CD47: variants seen among roughly 807,000 people sequenced by gnomAD.
The protein encoded by CD47 is CD47 molecule, also known as leukocyte surface antigen CD47.
A neutral mutation model predicts 44.6 loss-of-function variants in CD47; 11 were observed. The observed-to-expected ratio is 0.25, with a 90% CI of 0.16 to 0.41. The LOEUF (loss-of-function observed/expected upper bound fraction) is 0.41. Among genes scored for constraint, CD47 ranks in the 10% least tolerant of loss-of-function variants. CD47 has a pLI of 1.00. For synonymous variants in CD47, 140 were observed against 136.3 expected (o/e 1.03, Z -0.19); for missense variants, 306 against 386.7 (o/e 0.79, Z 1.75).
chr3:108,057,106 A>C (rs1248815761), intron 7 of CD47, among the ~76,000 whole-genome samples: 1 of 152,192 alleles, frequency 6.6e-6, no homozygotes, highest in East Asian at 1.9e-4. Context: ...TAAAAATCCT[A>C]TTCTATTACT....
At chr3:108,078,716 C>G (rs1378257094) in intron 2 of CD47, among the ~76,000 whole-genome samples, 1 of 151,506 alleles carries the variant, frequency 6.6e-6, no homozygotes, top group Non-Finnish European at 1.5e-5. Context: ...ATTCTCCTTG[C>G]CTACTCGGAG....
At chr3:108,049,510 T>C in intron 10 of CD47, 109 bp downstream of exon 10, 1 of 735,244 alleles carries the variant, frequency 1.4e-6, no homozygotes. Flanking sequence ...CTTTATCATC[T>C]GACAGTGTCC....
chr3:108,069,759 G>A (rs61053975), intron 3 of CD47, among the ~76,000 whole-genome samples: 80,296 of 151,838 alleles, frequency 0.53, 21,538 homozygotes, highest in East Asian at 0.7. Flanking sequence ...CATGATCTTT[G>A]AAAAAGGCTG....
rs151067446 is a variant in CD47 at position 108,082,606 on chromosome 3, A to C, written c.47-2262T>G. The stretch of plus-strand genomic sequence containing the variant: ...ATCATGGTTTGACTTTCAAGAGATT[A>C]TTCTTAAAAAAAAGAGGTACGAATG... On this transcript the variant is annotated intron_variant, in intron 1 of 10. Transcript: ENST00000361309. 3.4e-3 allele frequency among the ~76,000 whole-genome samples: 512 copies of C among 152,032 alleles called. 5 individuals carry two copies. Among genetic ancestry groups the C allele is most frequent in the African/African-American group, 0.012 (488 of 41,482 alleles).
intron 3 of CD47, among the ~76,000 whole-genome samples, chr3:108,063,334 T>C (rs2079052201): frequency 6.6e-6 from 1 of 152,220 alleles, no homozygotes; most frequent in Non-Finnish European, 1.5e-5. Context: ...ACTCCACCTG[T>C]CTCTGTGGGG....
chr3:108,062,819 CTTT>C (rs534047169), intron 3 of CD47, among the ~76,000 whole-genome samples: 6 of 131,792 alleles, frequency 4.6e-5, no homozygotes, highest in Admixed American at 2.3e-4. Flanking sequence ...TTTTTGAATT[CTTT>C]TTTTTTTTTT....
At chr3:108,075,544 AT>A (rs1157730661) in intron 2 of CD47, among the ~76,000 whole-genome samples, 1 of 152,084 alleles carries the variant, frequency 6.6e-6, no homozygotes, top group Non-Finnish European at 1.5e-5. Flanking sequence ...GGCTTTTCTG[AT>A]GTGTCGACTT....
chr3:108,088,958 C>T (rs2079576010), intron 1 of CD47, among the ~76,000 whole-genome samples: 1 of 152,258 alleles, frequency 6.6e-6, no homozygotes, highest in East Asian at 1.9e-4. Context: ...GCTTAATTAA[C>T]GAAACTGAAA....
At position 108,051,933 on chromosome 3, in the gene CD47, A is replaced by G. The variant is rs1397631154; in HGVS notation, c.909+6T>C. Reference sequence around the variant, plus strand: ...TTCACAATTCATTTAATAAACTTTAACTTACCCTAGGAGGTTGTATAGTCT... The same window carrying G: ...TTCACAATTCATTTAATAAACTTTAGCTTACCCTAGGAGGTTGTATAGTCT... On this transcript the variant is annotated splice_donor_region_variant and intron_variant, in intron 8 of 10. Transcript: ENST00000361309. 2.0e-6 allele frequency: 3 copies of G among 1,501,008 alleles called. No individual in the cohort carries two copies. 93.0% of individuals were successfully genotyped at this position (1,501,008 alleles called of 1,614,324 possible). A position where few individuals can be genotyped will look rare whatever the true frequency, so the allele number is the denominator to read the frequency against.
At position 108,065,683 on chromosome 3, in the gene CD47, C is replaced by T. The variant is rs186534244; in HGVS notation, c.491-4831G>A. Among the ~76,000 whole-genome samples the T allele has an allele frequency of 1.1e-4, 16 of 151,850 alleles. No homozygotes were observed. The East Asian group carries it at 1.2e-3, about 11-fold the overall frequency. On this transcript the variant is annotated intron_variant, in intron 3 of 10. Transcript: ENST00000361309. The stretch of plus-strand genomic sequence containing the variant: ...AAAATTACCCAGGCATGGTGGTGCA[C>T]GCCAGTAGCCTGTAGCTACTCGGGA...
In CD47 at chr3:108,044,782, G is replaced by A. The variant is rs2078694516; in HGVS notation, c.*2506C>T. Reference sequence around the variant, plus strand: ...TGAAGGAGAAGACAAATAGAATTTGGCAAAAGTAGCTGGAAAGGTTGTTGC... The same window carrying A: ...TGAAGGAGAAGACAAATAGAATTTGACAAAAGTAGCTGGAAAGGTTGTTGC... On this transcript the variant is annotated 3_prime_UTR_variant, in exon 11 of 11. Coordinates refer to ENST00000361309, the MANE Select transcript of CD47 (RefSeq NM_001777.4). The A allele has an allele frequency of 6.6e-6, 1 of 152,352 alleles. No individual in the cohort carries two copies. Among genetic ancestry groups the A allele is most frequent in the South Asian group, 2.1e-4 (1 of 4,832 alleles). 9.4% of individuals were successfully genotyped at this position (152,352 alleles called of 1,614,324 possible).
chr3:108,068,981 A>C (rs1323465138), intron 3 of CD47, among the ~76,000 whole-genome samples: 1 of 152,220 alleles, frequency 6.6e-6, no homozygotes, highest in Non-Finnish European at 1.5e-5. Context: ...TACAAAAAAT[A>C]TAAAAAAGAA....
At chr3:108,090,259 A>G (rs1451122695) in intron 1 of CD47, among the ~76,000 whole-genome samples, 2 of 152,212 alleles carry the variant, frequency 1.3e-5, no homozygotes, top group African/African-American at 4.8e-5. Flanking sequence ...GACAGCAAAA[A>G]TTACACGGCC....
chr3:108,079,901 A>G, intron 2 of CD47, 90 bp downstream of exon 2: 1 of 739,122 alleles, frequency 1.4e-6, no homozygotes. Flanking sequence ...TTTGATTCAA[A>G]GGAGTACCTA....
Position 108,090,008 on chromosome 3 carries a change from TG to T in CD47, c.46+854del, listed in dbSNP as rs1342293312. 1.9e-3 allele frequency among the ~76,000 whole-genome samples: 13 copies of T among 6,880 alleles called. No homozygotes were observed. In the East Asian group the frequency reaches 0.028, roughly 15 times the overall value. 4.5% of individuals were successfully genotyped at this position (6,880 alleles called of 152,430 possible). ...GGATTCCAAAAGCTCGGGGTGGGGGTGGGGGGGTGGAGGTTCTTTGGCGTCG... is the reference window on the plus strand; with the variant it reads ...GGATTCCAAAAGCTCGGGGTGGGGGTGGGGGGTGGAGGTTCTTTGGCGTCG... On this transcript the variant is annotated intron_variant, in intron 1 of 10. Coordinates refer to ENST00000361309, the MANE Select transcript of CD47 (RefSeq NM_001777.4).
chr3:108,044,121 T>C lies in CD47; in HGVS notation c.*3167A>G, dbSNP rs1248739139. 6.6e-6 allele frequency: 1 copy of C among 152,648 alleles called. No homozygotes were observed. Among genetic ancestry groups the C allele is most frequent in the Non-Finnish European group, 1.5e-5 (1 of 68,036 alleles). The allele number at this position is 152,648 out of a possible 1,614,324, so 9.5% of individuals were successfully genotyped here. ...TCCATACATACACCACAGATCCCCA[T>C]TTTTGAATACCCATTTTAAGACAAG... On this transcript the variant is annotated 3_prime_UTR_variant, in exon 11 of 11. Coordinates refer to ENST00000361309, the MANE Select transcript of CD47 (RefSeq NM_001777.4).
intron 4 of CD47, among the ~76,000 whole-genome samples, chr3:108,060,094 TG>T (rs1173871693): frequency 1.3e-5 from 2 of 152,226 alleles, no homozygotes; most frequent in African/African-American, 4.8e-5. Flanking sequence ...ATCCTCCAAA[TG>T]CAACTGCCAA....
rs1198595073 is a variant in CD47, at chr3:108,090,805, C to T, written c.46+58G>A. 4.2e-6 allele frequency: 6 copies of T among 1,429,790 alleles called. No individual in the cohort carries two copies. The East Asian group carries it at 1.8e-4, about 43-fold the overall frequency. The allele number at this position is 1,429,790 out of a possible 1,614,324, so 88.6% of individuals were successfully genotyped here. A position where few individuals can be genotyped will look rare whatever the true frequency, so the allele number is the denominator to read the frequency against. ...GCCGGGCTGGCTGGGGCGCAGCCCA[C>T]ACGCCCGCGGGGGCGAAGCGACAGC... is the stretch of plus-strand genomic sequence containing the variant. On this transcript the variant is annotated intron_variant, in intron 1 of 10. Coordinates refer to ENST00000361309, the MANE Select transcript of CD47 (RefSeq NM_001777.4).
At chr3:108,059,279 A>C (rs2078970790) in intron 5 of CD47, among the ~76,000 whole-genome samples, 173 bp downstream of exon 5, 2 of 152,208 alleles carry the variant, frequency 1.3e-5, no homozygotes, top group African/African-American at 4.8e-5. Flanking sequence ...CTAACCTAGA[A>C]TAACCTTAAA....
Sources: gnomAD v4.1 joint callset for allele counts (sites outside exome capture counted in the v4.1 genomes callset) on GRCh38, gnomAD v4.1.1 for gene constraint, MANE v1.5 for transcripts, NCBI Gene and HGNC (gene_info 2026-07-23, HGNC 2026-07-21) for gene names.